Variants in GALNTL6 observed in about 807,000 individuals in gnomAD.
GALNTL6 encodes polypeptide N-acetylgalactosaminyltransferase-like 6.
GALNTL6 carries 46 observed loss-of-function variants against 73.7 expected under a neutral mutation model. The observed-to-expected ratio is 0.62, with a 90% CI of 0.49 to 0.80. GALNTL6 has a LOEUF of 0.80. Ranked by LOEUF, GALNTL6 falls within the 30% of genes least tolerant of loss-of-function variation. The pLI, the probability that GALNTL6 is intolerant of heterozygous loss-of-function variation, is 0.00. For synonymous variants in GALNTL6, 259 were observed against 263.7 expected (o/e 0.98, Z 0.17); for missense variants, 604 against 755.0 (o/e 0.80, Z 2.34).
chr4:173,016,951 A>G (rs1752807230), intron 11 of GALNTL6, among the ~76,000 whole-genome samples: 1 of 152,108 alleles, frequency 6.6e-6, no homozygotes. Context: ...GGTTACCCTC[A>G]TGTTGTTCTC....
chr4:172,577,102 C>T (rs866916841), intron 5 of GALNTL6, among the ~76,000 whole-genome samples: 6 of 152,148 alleles, frequency 3.9e-5, no homozygotes, highest in Non-Finnish European at 8.8e-5. Flanking sequence ...CTGGTCTCCA[C>T]TAGAGCCCAT....
chr4:172,117,491 G>C (rs896800795), intron 2 of GALNTL6, among the ~76,000 whole-genome samples: 9 of 152,138 alleles, frequency 5.9e-5, no homozygotes, highest in Admixed American at 5.9e-4. Flanking sequence ...ATGATGAGAA[G>C]TCTCAGGACA....
At chr4:173,010,035 T>A (rs1237635232) in intron 11 of GALNTL6, among the ~76,000 whole-genome samples, 1 of 152,220 alleles carries the variant, frequency 6.6e-6, no homozygotes, top group Non-Finnish European at 1.5e-5. Flanking sequence ...TATTTTGAAA[T>A]GTACAATTAA....
At chr4:171,875,725 G>T (rs916156177) in intron 2 of GALNTL6, among the ~76,000 whole-genome samples, 2 of 150,806 alleles carry the variant, frequency 1.3e-5, no homozygotes, top group African/African-American at 4.9e-5. Context: ...GGCATTTTGG[G>T]TGTTGCTTTC....
intron 5 of GALNTL6, among the ~76,000 whole-genome samples, chr4:172,618,586 A>G (rs1738832595): frequency 6.6e-6 from 1 of 152,202 alleles, no homozygotes; most frequent in Non-Finnish European, 1.5e-5. Flanking sequence ...GACATCACTT[A>G]ACACAATCAG....
intron 5 of GALNTL6, among the ~76,000 whole-genome samples, chr4:172,758,425 A>G (rs1737876393): frequency 2.0e-5 from 3 of 152,114 alleles, no homozygotes; most frequent in Admixed American, 2.0e-4. Context: ...AATCCCAGCT[A>G]CTTGGGAGGC....
At chr4:171,846,419 C>G (rs1047595910) in intron 2 of GALNTL6, among the ~76,000 whole-genome samples, 1 of 152,070 alleles carries the variant, frequency 6.6e-6, no homozygotes, top group African/African-American at 2.4e-5. Flanking sequence ...CAACCATGGC[C>G]AGAGGAGGTA....
intron 5 of GALNTL6, among the ~76,000 whole-genome samples, chr4:172,543,459 C>T (rs1259628151): frequency 6.6e-6 from 1 of 152,210 alleles, no homozygotes; most frequent in South Asian, 2.1e-4. Flanking sequence ...GGGGCGCTGT[C>T]TTCCTTGATG....
intron 5 of GALNTL6, among the ~76,000 whole-genome samples, chr4:172,593,265 T>C (rs1443655259): frequency 6.6e-6 from 1 of 152,224 alleles, no homozygotes; most frequent in Non-Finnish European, 1.5e-5. Flanking sequence ...TTTGTTACCT[T>C]GTATTATTTT....
intron 5 of GALNTL6, among the ~76,000 whole-genome samples, chr4:172,365,993 T>C (rs946444550): frequency 6.6e-6 from 1 of 152,196 alleles, no homozygotes; most frequent in Admixed American, 6.5e-5. Flanking sequence ...TGAAACCTGA[T>C]GGTAGAAGAT....
At chr4:172,878,284 AT>A (rs1745289206) in intron 7 of GALNTL6, among the ~76,000 whole-genome samples, 1 of 151,830 alleles carries the variant, frequency 6.6e-6, no homozygotes. Flanking sequence ...CACAATTTAA[AT>A]TTTCCTTAGG....
At chr4:172,343,969 T>G (rs1741656611) in intron 4 of GALNTL6, among the ~76,000 whole-genome samples, 1 of 152,152 alleles carries the variant, frequency 6.6e-6, no homozygotes. Flanking sequence ...ATTCCTAAAC[T>G]GCAAGGTAAT....
chr4:172,093,901 T>C (rs1445260013), intron 2 of GALNTL6, among the ~76,000 whole-genome samples: 2 of 152,176 alleles, frequency 1.3e-5, no homozygotes, highest in South Asian at 2.1e-4. Context: ...TTCTGCATTA[T>C]GGTGAGTCGT....
intron 2 of GALNTL6, among the ~76,000 whole-genome samples, chr4:172,048,332 C>A (rs574616949): frequency 1.3e-5 from 2 of 152,142 alleles, no homozygotes; most frequent in Admixed American, 6.6e-5. Flanking sequence ...TACAGAATAC[C>A]CAGAAGCCAA....
intron 5 of GALNTL6, among the ~76,000 whole-genome samples, chr4:172,651,315 A>C (rs1740466839): frequency 6.6e-6 from 1 of 152,210 alleles, no homozygotes; most frequent in Non-Finnish European, 1.5e-5. Flanking sequence ...AACAGGAATT[A>C]CTCAGGTCAC....
intron 3 of GALNTL6, among the ~76,000 whole-genome samples, chr4:172,303,336 C>T (rs1028334306): frequency 2.0e-5 from 3 of 152,132 alleles, no homozygotes; most frequent in Non-Finnish European, 4.4e-5. Context: ...TAACTTACTA[C>T]ACTTCACTCT....
At chr4:172,197,612 T>C (rs570726063) in intron 2 of GALNTL6, among the ~76,000 whole-genome samples, 1 of 152,186 alleles carries the variant, frequency 6.6e-6, no homozygotes, top group East Asian at 1.9e-4. Context: ...TGGAACAGAA[T>C]AGAGCAGTCA....
intron 5 of GALNTL6, among the ~76,000 whole-genome samples, chr4:172,731,953 C>T (rs758522781): frequency 6.6e-6 from 1 of 151,802 alleles, no homozygotes; most frequent in South Asian, 2.1e-4. Context: ...TGTTTTGTGG[C>T]TCAAGATATG....
At chr4:172,413,651 A>G (rs367881562) in intron 5 of GALNTL6, among the ~76,000 whole-genome samples, 3,082 of 91,954 alleles carry the variant, frequency 0.034, 102 homozygotes, top group African/African-American at 0.12. Flanking sequence ...TCTTCTTTGT[A>G]TTAGTTTTTT....
Sources: allele counts gnomAD v4.1 joint callset (sites outside exome capture counted in the v4.1 genomes callset), GRCh38; gene constraint gnomAD v4.1.1; transcripts MANE v1.5; gene names NCBI Gene and HGNC (gene_info 2026-07-23, HGNC 2026-07-21).